Variants in CTDP1 observed in about 807,000 individuals in gnomAD.
CTDP1 encodes the protein RNA polymerase II subunit A C-terminal domain phosphatase.
Under a neutral mutation model 91.8 loss-of-function variants are expected in CTDP1, and 47 were observed. The ratio of observed to expected loss-of-function variants is 0.51; its 90% CI spans 0.41 to 0.65. The LOEUF is 0.65. CTDP1 is among the 30% of genes least tolerant of loss of function. CTDP1 has a pLI of 0.00. For missense variants in CTDP1, 1,272 were observed against 1,373.7 expected (o/e 0.93, Z 1.17); for synonymous variants, 656 against 598.5 (o/e 1.10, Z -1.40).
At chr18:79,749,342 T>C (rs1484240429) in intron 12 of CTDP1, among the ~76,000 whole-genome samples, 1 of 151,976 alleles carries the variant, frequency 6.6e-6, no homozygotes, top group Non-Finnish European at 1.5e-5. Context: ...GCCCCTGCTC[T>C]GCTCAGTGCC....
chr18:79,687,212 T>G (rs1317937995), intron 1 of CTDP1, among the ~76,000 whole-genome samples: 5 of 129,988 alleles, frequency 3.8e-5, no homozygotes, highest in Non-Finnish European at 8.1e-5. Context: ...AGTTGGCTTC[T>G]CCAGTTCACT....
chr18:79,755,212 C>G (rs2087077563), downstream of CTDP1: 1 of 152,146 alleles, frequency 6.6e-6, no homozygotes, highest in Admixed American at 6.5e-5. Flanking sequence ...CAGCAGCACG[C>G]CAGCCCCGGG....
chr18:79,706,155 C>T (rs571129566), intron 5 of CTDP1, among the ~76,000 whole-genome samples: 11 of 152,318 alleles, frequency 7.2e-5, no homozygotes, highest in Admixed American at 2.0e-4. Context: ...CTGGGAGCTG[C>T]GGGAAATGCA....
chr18:79,714,624 G>A lies in CTDP1; in HGVS notation c.1164G>A (p.Glu388=). ...CTGCACGGGAGCTGAACGGCAGCGA[G>A]GCCGCCACCCCGCGGGACTCACCCC... ...EKPARELNGS[E]AATPRDSPRP... Residue 388 remains glutamate, a synonymous_variant, in exon 8 of 13, where the codon GAG becomes GAA. Coordinates refer to ENST00000613122, the MANE Select transcript of CTDP1 (RefSeq NM_004715.5). 1 of 1,612,670 alleles carries A rather than the reference G, an allele frequency of 6.2e-7. No homozygotes were observed. Among genetic ancestry groups the A allele is most frequent in the Non-Finnish European group, 8.5e-7 (1 of 1,179,902 alleles).
intron 6 of CTDP1, among the ~76,000 whole-genome samples, chr18:79,712,507 C>T (rs1370063968): frequency 6.6e-6 from 1 of 152,164 alleles, no homozygotes; most frequent in African/African-American, 2.4e-5. Flanking sequence ...GTGTCAGACT[C>T]CTAGGCTCAA....
At chr18:79,688,143 G>A (rs1033689955) in intron 1 of CTDP1, among the ~76,000 whole-genome samples, 24 of 152,370 alleles carry the variant, frequency 1.6e-4, no homozygotes, top group Admixed American at 1.2e-3. Context: ...GGCTCTGGGC[G>A]ACTGAACCAG....
intron 4 of CTDP1, among the ~76,000 whole-genome samples, chr18:79,703,922 G>A (rs868001511): frequency 1.1e-4 from 16 of 152,002 alleles, no homozygotes; most frequent in East Asian, 1.9e-4. Flanking sequence ...GCTGGTTATC[G>A]GGGGTGGTTA....
In CTDP1 at chr18:79,715,568, C is replaced by T. The variant is rs200244999; in HGVS notation, c.2068+40C>T. 152 of 1,522,506 alleles carry T rather than the reference C, an allele frequency of 1.0e-4. No homozygotes were observed. In the Middle Eastern group the frequency reaches 1.6e-3, roughly 16 times the overall value. 94.3% of individuals were successfully genotyped at this position (1,522,506 alleles called of 1,614,324 possible). On this transcript the variant is annotated intron_variant, in intron 8 of 12. Coordinates refer to ENST00000613122, the MANE Select transcript of CTDP1 (RefSeq NM_004715.5). Reference sequence around the variant, plus strand: ...CCTGTGCCCTGGGCATGGTCAGGCCCGCGGGCTCCTTGCAGGCACTCCTTA... The same window carrying T: ...CCTGTGCCCTGGGCATGGTCAGGCCTGCGGGCTCCTTGCAGGCACTCCTTA...
At chr18:79,693,085 C>T (rs891820159) in intron 1 of CTDP1, among the ~76,000 whole-genome samples, 1 of 152,138 alleles carries the variant, frequency 6.6e-6, no homozygotes, top group Non-Finnish European at 1.5e-5. Flanking sequence ...GTGGAGGCCC[C>T]GAGTGCGATG....
intron 7 of CTDP1, among the ~76,000 whole-genome samples, chr18:79,714,234 G>A (rs2086145884): frequency 6.6e-6 from 1 of 152,122 alleles, no homozygotes; most frequent in Admixed American, 6.5e-5. Context: ...TTTTTGGATT[G>A]GGGATGTTCA....
At chr18:79,735,911 G>A (rs547152615) in intron 11 of CTDP1, 13 of 206,160 alleles carry the variant, frequency 6.3e-5, no homozygotes, top group Non-Finnish European at 9.1e-5. Context: ...GCACGGCCAC[G>A]TCTCCACCCC....
chr18:79,746,436 G>A (rs564925635), intron 12 of CTDP1, among the ~76,000 whole-genome samples: 83 of 152,356 alleles, frequency 5.4e-4, no homozygotes, highest in African/African-American at 1.8e-3. Context: ...TTTGCCACTC[G>A]AGGGTGTCGG....
Position 79,729,097 on chromosome 18 carries a change from G to A in CTDP1, c.2580+28G>A, listed in dbSNP as rs370423948. ...GAGCCAACCCCACGCCCCGGTGCCC[G>A]CGCCAGCGCTCGTGCTGGGGCCGCA... On this transcript the variant is annotated intron_variant, in intron 11 of 12. Coordinates refer to ENST00000613122, the MANE Select transcript of CTDP1 (RefSeq NM_004715.5). The A allele has an allele frequency of 8.8e-5, 142 of 1,611,704 alleles. 2 individuals are homozygous for A. The South Asian group carries it at 1.3e-3, about 15-fold the overall frequency.
chr18:79,698,764 C>A (rs531364401), intron 4 of CTDP1, among the ~76,000 whole-genome samples: 49 of 148,382 alleles, frequency 3.3e-4, no homozygotes, highest in South Asian at 2.1e-3. Flanking sequence ...TCTGACCTTA[C>A]CAGTTCTAAA....
At chr18:79,728,861 A>G (rs200177725) in intron 10 of CTDP1, 46 bp from the exon 11 acceptor site, 5 of 1,609,090 alleles carry the variant, frequency 3.1e-6, no homozygotes, top group Admixed American at 1.7e-5. Context: ...GAAAAGTGCC[A>G]TTCGAACTGA....
At chr18:79,681,100 C>T (rs991981076) in intron 1 of CTDP1, 1 of 152,418 alleles carries the variant, frequency 6.6e-6, no homozygotes, top group Non-Finnish European at 1.5e-5. Context: ...CTCTTCCCTC[C>T]TCGGCAGCCG....
intron 1 of CTDP1, among the ~76,000 whole-genome samples, chr18:79,690,791 A>C (rs1382815221): frequency 1.3e-5 from 2 of 152,168 alleles, no homozygotes; most frequent in African/African-American, 4.8e-5. Flanking sequence ...GTCTCCAGCC[A>C]CTACAGGAGT....
chr18:79,713,526 G>T lies in CTDP1; in HGVS notation c.1030+388G>T, dbSNP rs1045153839. Among the ~76,000 whole-genome samples, 1 of 152,240 alleles carries T rather than the reference G, an allele frequency of 6.6e-6. No individual in the cohort carries two copies. Among genetic ancestry groups the T allele is most frequent in the East Asian group, 1.9e-4 (1 of 5,200 alleles). ...TGCGGGGAATAACCGTTCCCCATGC[G>T]CAGTGGTCAGGCTGGGCGCTGGCTG... On this transcript the variant is annotated intron_variant, in intron 7 of 12. Coordinates refer to ENST00000613122, the MANE Select transcript of CTDP1 (RefSeq NM_004715.5). This position sits in a 1 kb window ranked among gnomAD's most constrained non-coding sequence, Gnocchi z 4.7.
At chr18:79,745,334 G>A (rs1205329960) in intron 12 of CTDP1, among the ~76,000 whole-genome samples, 1 of 99,052 alleles carries the variant, frequency 1.0e-5, no homozygotes, top group Admixed American at 9.6e-5. Flanking sequence ...CCTCCCGTGC[G>A]CGTTCTGTGC....
Sources: allele counts gnomAD v4.1 joint callset (sites outside exome capture counted in the v4.1 genomes callset), GRCh38; gene constraint gnomAD v4.1.1; non-coding constraint Gnocchi (gnomAD v3.1); transcripts MANE v1.5; gene names NCBI Gene and HGNC (gene_info 2026-07-23, HGNC 2026-07-21).